LACTB: variants seen among roughly 807,000 people sequenced by gnomAD.
The protein encoded by LACTB is lactamase beta.
A neutral mutation model predicts 50.2 loss-of-function variants in LACTB; 35 were observed. The observed-to-expected ratio is 0.70, with a 90% CI of 0.53 to 0.92. LACTB has a LOEUF of 0.92. Among genes scored for constraint, LACTB ranks in the 40% least tolerant of loss-of-function variants. The pLI, the probability that LACTB is intolerant of heterozygous loss-of-function variation, is 0.00. For synonymous variants in LACTB, 252 were observed against 268.2 expected (o/e 0.94, Z 0.59); for missense variants, 664 against 691.8 (o/e 0.96, Z 0.45).
intron 2 of LACTB, among the ~76,000 whole-genome samples, chr15:63,126,235 A>G (rs2037052438): frequency 6.6e-6 from 1 of 152,050 alleles, no homozygotes; most frequent in Non-Finnish European, 1.5e-5. Context: ...TCTGCCTCCA[A>G]GGTTCAAGCG....
In LACTB at chr15:63,127,628, G is replaced by C; in HGVS notation, c.891G>C (p.Lys297Asn). 1 of 1,610,990 alleles carries C rather than the reference G, an allele frequency of 6.2e-7. No individual in the cohort carries two copies. Among genetic ancestry groups the C allele is most frequent in the East Asian group, 2.2e-5 (1 of 44,828 alleles). The change falls in exon 4 of 6, where the codon AAG (lysine) becomes AAC (asparagine). Residue 297 changes from lysine to asparagine, a missense_variant. By Grantham distance (94) the Lys-to-Asn change is moderately conservative. Transcript: ENST00000261893. ...FEQGELYLRE[K>N]FENSIESLRL... ...AAGGCGAATTATATTTGAGAGAAAA[G>C]TTTGAAAATTCAATTGAATCCCTAA...
chr15:63,122,257 G>A, intron 1 of LACTB, 29 bp downstream of exon 1: 1 of 1,507,274 alleles, frequency 6.6e-7, no homozygotes, highest in Non-Finnish European at 8.8e-7. Flanking sequence ...GGGGCGTAGG[G>A]GGCCGGGGAT....
rs183985406 is a variant in LACTB, at chr15:63,125,542, A to T, written c.425-1317A>T. ...ATCTAATCATTATACCTAATTTATGATAAGTCTTGTAATCAAAAATTATAT... is the reference window on the plus strand; with the variant it reads ...ATCTAATCATTATACCTAATTTATGTTAAGTCTTGTAATCAAAAATTATAT... On this transcript the variant is annotated intron_variant, in intron 2 of 5. Transcript: ENST00000261893. 2.0e-5 allele frequency among the ~76,000 whole-genome samples: 3 copies of T among 152,346 alleles called. No individual in the cohort carries two copies. The East Asian group carries it at 5.8e-4, about 29-fold the overall frequency.
At chr15:63,137,720 T>G (rs117552419) in intron 5 of LACTB, among the ~76,000 whole-genome samples, 777 of 152,364 alleles carry the variant, frequency 5.1e-3, no homozygotes, top group Non-Finnish European at 8.6e-3. Flanking sequence ...TTATTGATTA[T>G]TTATGTTTCT....
intron 5 of LACTB, among the ~76,000 whole-genome samples, chr15:63,136,267 C>T (rs2037175568): frequency 6.6e-6 from 1 of 152,188 alleles, no homozygotes; most frequent in South Asian, 2.1e-4. Context: ...GATCTCCTGA[C>T]CTCAAATGAT....
chr15:63,137,518 T>C (rs2037188717), intron 5 of LACTB, among the ~76,000 whole-genome samples: 1 of 152,228 alleles, frequency 6.6e-6, no homozygotes, highest in African/African-American at 2.4e-5. Flanking sequence ...GCTGTATATA[T>C]TTATGGGGTA....
At chr15:63,126,215 CACCGCA>C (rs1400245806) in intron 2 of LACTB, among the ~76,000 whole-genome samples, 3 of 152,184 alleles carry the variant, frequency 2.0e-5, no homozygotes, top group Non-Finnish European at 4.4e-5. Flanking sequence ...TTTCTCAGCT[CACCGCA>C]ACCTCTGCCT....
At chr15:63,139,034 A>C (rs2037200799) in intron 5 of LACTB, among the ~76,000 whole-genome samples, 1 of 127,388 alleles carries the variant, frequency 7.9e-6, no homozygotes, top group Non-Finnish European at 1.6e-5. Flanking sequence ...AAAGAGCAAG[A>C]CTCTGTTTCA....
chr15:63,124,320 A>T (rs1393947015), intron 2 of LACTB, among the ~76,000 whole-genome samples: 3 of 152,210 alleles, frequency 2.0e-5, no homozygotes, highest in Non-Finnish European at 4.4e-5. Context: ...TGATATATAT[A>T]ATCATATCTA....
At position 63,122,244 on chromosome 15, in the gene LACTB, C is replaced by A. The variant is rs573955303; in HGVS notation, c.357+16C>A. On this transcript the variant is annotated intron_variant, in intron 1 of 5. Transcript: ENST00000261893. Reference sequence around the variant, plus strand: ...CAGGATCAAGGTGCGGCCACTGGAGCGGGGGGCGTAGGGGGCCGGGGATCC... The same window carrying A: ...CAGGATCAAGGTGCGGCCACTGGAGAGGGGGGCGTAGGGGGCCGGGGATCC... 6.5e-7 allele frequency: 1 copy of A among 1,534,446 alleles called. No individual in the cohort carries two copies. The highest frequency in any genetic ancestry group is 8.7e-7 in the Non-Finnish European group (1 of 1,149,894).
rs1386019394 is a variant in LACTB at position 63,141,260 on chromosome 15, C to T, written c.1119-20C>T. 8.3e-6 allele frequency: 13 copies of T among 1,564,678 alleles called. No homozygotes were observed. In the South Asian group the frequency reaches 1.6e-4, roughly 19 times the overall value. On this transcript the variant is annotated intron_variant, in intron 5 of 5. Coordinates refer to ENST00000261893, the MANE Select transcript of LACTB (RefSeq NM_032857.5). Reference sequence around the variant, plus strand: ...CAGTGACTATGAAATTTTTCATGATCATTTCTTATTTCCTTTTAGATTTTA... The same window carrying T: ...CAGTGACTATGAAATTTTTCATGATTATTTCTTATTTCCTTTTAGATTTTA...
intron 5 of LACTB, among the ~76,000 whole-genome samples, chr15:63,136,902 C>T (rs970745060): frequency 6.6e-6 from 1 of 152,078 alleles, no homozygotes; most frequent in Non-Finnish European, 1.5e-5. Context: ...TACTATGTTT[C>T]CAGGAGTAAA....
chr15:63,142,026 G>T lies in LACTB; in HGVS notation c.*221G>T. 1 of 424,738 alleles carries T rather than the reference G, an allele frequency of 2.4e-6. No homozygotes were observed. The highest frequency in any genetic ancestry group is 4.2e-6 in the Non-Finnish European group (1 of 236,478). The allele number at this position is 424,738 out of a possible 1,614,324, so 26.3% of individuals were successfully genotyped here. ...ATATTGTTTTTACTTTTTGAAAAAA[G>T]TGTTAACTCTTGAAATAAAATATTC... is the stretch of plus-strand genomic sequence containing the variant. On this transcript the variant is annotated 3_prime_UTR_variant, in exon 6 of 6. Transcript: ENST00000261893.
chr15:63,122,294 G>A (rs2036985216), intron 1 of LACTB, 66 bp downstream of exon 1: 2 of 1,361,142 alleles, frequency 1.5e-6, no homozygotes, highest in East Asian at 4.9e-5. Context: ...TGCTGTCGGG[G>A]GCTGAGTGGA....
chr15:63,121,953 C>A lies in LACTB; in HGVS notation c.82C>A (p.His28Asn). Residue 28 changes from histidine (H) to asparagine (N), a missense_variant, in exon 1 of 6, where the codon CAT becomes AAT. Coordinates refer to ENST00000261893, the MANE Select transcript of LACTB (RefSeq NM_032857.5). ...LASSCGRRGV[H>N]QRAGLPPLGH... ...CTCAAGCTGCGGACGACGCGGGGTC[C>A]ATCAGCGCGCCGGGCTGCCGCCTCT... The A allele has an allele frequency of 7.2e-7, 1 of 1,394,220 alleles. No individual in the cohort carries two copies. The highest frequency in any genetic ancestry group is 9.2e-7 in the Non-Finnish European group (1 of 1,082,774). The allele number at this position is 1,394,220 out of a possible 1,614,324, so 86.4% of individuals were successfully genotyped here.
chr15:63,141,305 CGTCTT>C lies in LACTB; in HGVS notation c.1148_1152del (p.Leu383GlnfsTer7), dbSNP rs2037225794. 4 of 1,592,384 alleles carry C rather than the reference CGTCTT, an allele frequency of 2.5e-6. No individual in the cohort carries two copies. Among genetic ancestry groups the C allele is most frequent in the Non-Finnish European group, 1.7e-6 (2 of 1,169,062 alleles). The stretch of plus-strand genomic sequence containing the variant: ...ATTTTATGTTTACAATAAAAAGAAA[CGTCTT>C]GTCAACACACCTTACGTGGATAACT... On this transcript the variant is annotated frameshift_variant, in exon 6 of 6. Coordinates refer to ENST00000261893, the MANE Select transcript of LACTB (RefSeq NM_032857.5). LOFTEE classifies it high-confidence loss of function.
In LACTB at chr15:63,141,618, C is replaced by T. The variant is rs2037229867; in HGVS notation, c.1457C>T (p.Thr486Ile). 1 of 1,614,042 alleles carries T rather than the reference C, an allele frequency of 6.2e-7. No individual in the cohort carries two copies. Among genetic ancestry groups the T allele is most frequent in the Admixed American group, 1.7e-5 (1 of 59,996 alleles). The part of the protein sequence containing the change: ...CRKQRHYASH[T>I]GGAVGASSVL... ...AAGCAACGGCATTATGCTTCACATA[C>T]TGGAGGGGCAGTGGGTGCCAGTAGT... is the stretch of plus-strand genomic sequence containing the variant. The change falls in exon 6 of 6, where the codon ACT becomes ATT. Residue 486 changes from threonine (T) to isoleucine (I), a missense_variant. Thr to Ile is a moderately conservative substitution (Grantham distance 89). Coordinates refer to ENST00000261893, the MANE Select transcript of LACTB (RefSeq NM_032857.5).
At chr15:63,124,404 G>A (rs973930379) in intron 2 of LACTB, among the ~76,000 whole-genome samples, 2 of 152,096 alleles carry the variant, frequency 1.3e-5, no homozygotes, top group African/African-American at 4.8e-5. Flanking sequence ...TCGGTCTCTT[G>A]CCTCAGCGCC....
At position 63,141,743 on chromosome 15, in the gene LACTB, G is replaced by A; in HGVS notation, c.1582G>A (p.Val528Ile). 3 of 1,614,150 alleles carry A rather than the reference G, an allele frequency of 1.9e-6. No homozygotes were observed. Among genetic ancestry groups the A allele is most frequent in the Non-Finnish European group, 2.5e-6 (3 of 1,180,030 alleles). Residue 528 changes from valine to isoleucine, a missense_variant, in exon 6 of 6, where the codon GTT (valine) becomes ATT (isoleucine). Physicochemically the swap from Val to Ile is conservative, Grantham distance 29 (BLOSUM62 3). Coordinates refer to ENST00000261893, the MANE Select transcript of LACTB (RefSeq NM_032857.5). Reference sequence around the variant, plus strand: ...TTCTATCATATGTAACATGCAATCTGTTGGCCTCAATAGCACCGCTTTGAA... The same window carrying A: ...TTCTATCATATGTAACATGCAATCTATTGGCCTCAATAGCACCGCTTTGAA... ...IVSIICNMQSVGLNSTALKIA... is the reference protein window; with the variant it reads ...IVSIICNMQSIGLNSTALKIA...
Sources: gnomAD v4.1 joint callset for allele counts (sites outside exome capture counted in the v4.1 genomes callset) on GRCh38, gnomAD v4.1.1 for gene constraint, MANE v1.5 for transcripts, NCBI Gene and HGNC (gene_info 2026-07-23, HGNC 2026-07-21) for gene names.